CCDC93: variants seen among roughly 807,000 people sequenced by gnomAD.
CCDC93 encodes the protein CCC complex scaffolding subunit CCDC93, also known as coiled-coil domain-containing protein 93.
CCDC93 carries 61 observed loss-of-function variants against 108.2 expected under a neutral mutation model. The observed-to-expected ratio is 0.56, with a 90% CI of 0.46 to 0.70. The LOEUF (loss-of-function observed/expected upper bound fraction) is 0.70. CCDC93 is among the 30% of genes least tolerant of loss of function. CCDC93 has a pLI of 0.00. For missense variants in CCDC93, 685 were observed against 764.2 expected (o/e 0.90, Z 1.22); for synonymous variants, 276 against 260.4 (o/e 1.06, Z -0.58).
intron 11 of CCDC93, among the ~76,000 whole-genome samples, chr2:117,972,484 G>C (rs1394344061): frequency 6.6e-6 from 1 of 152,224 alleles, no homozygotes; most frequent in African/African-American, 2.4e-5. Context: ...GCAGGGAAAA[G>C]TGTGGAAAGA....
At chr2:118,000,186 C>T (rs1015316548) in intron 4 of CCDC93, 4 of 152,294 alleles carry the variant, frequency 2.6e-5, no homozygotes, top group African/African-American at 9.7e-5. Flanking sequence ...ATCACACACA[C>T]ATGGATACAC....
At chr2:117,930,938 C>A (rs909998574) in intron 23 of CCDC93, 99 bp downstream of exon 23, 3 of 708,354 alleles carry the variant, frequency 4.2e-6, no homozygotes, top group Non-Finnish European at 7.4e-6. Context: ...CCTTCACAGA[C>A]CAGAGGAAAA....
intron 19 of CCDC93, among the ~76,000 whole-genome samples, chr2:117,940,420 C>T (rs1678660244): frequency 6.6e-6 from 1 of 152,174 alleles, no homozygotes; most frequent in South Asian, 2.1e-4. Flanking sequence ...ATGGTTTGTT[C>T]AGAGGCAGTG....
intron 13 of CCDC93, chr2:117,950,171 A>C: frequency 3.0e-6 from 3 of 985,390 alleles, no homozygotes; most frequent in Non-Finnish European, 3.6e-6. Flanking sequence ...AAATGCATGG[A>C]TCCACAGAGG....
At chr2:117,960,910 T>C (rs748583481) in intron 11 of CCDC93, among the ~76,000 whole-genome samples, 3 of 151,788 alleles carry the variant, frequency 2.0e-5, no homozygotes, top group Non-Finnish European at 4.4e-5. Context: ...CATAAGCTAT[T>C]GGGTATGAAT....
intron 6 of CCDC93, 143 bp from the exon 7 acceptor site, chr2:117,986,212 T>C: frequency 1.9e-6 from 1 of 539,644 alleles, no homozygotes; most frequent in Non-Finnish European, 3.3e-6. Flanking sequence ...TCGCTCAGGC[T>C]GGAATGCAGT....
chr2:118,000,717 A>C, intron 4 of CCDC93, 104 bp downstream of exon 4: 2 of 694,960 alleles, frequency 2.9e-6, no homozygotes, highest in South Asian at 3.5e-5. Flanking sequence ...AGCCACACCC[A>C]TTACATTCAG....
At chr2:117,992,432 T>G (rs1680501579) in intron 6 of CCDC93, among the ~76,000 whole-genome samples, 1 of 152,082 alleles carries the variant, frequency 6.6e-6, no homozygotes, top group African/African-American at 2.4e-5. Flanking sequence ...TTTGTAGAGA[T>G]GGGGTTTCAC....
intron 16 of CCDC93, 112 bp downstream of exon 16, chr2:117,946,699 A>G (rs910688655): frequency 5.7e-6 from 4 of 701,192 alleles, no homozygotes; most frequent in Non-Finnish European, 1.0e-5. Context: ...CAGTTGAGGA[A>G]TGTCTATTTA....
In CCDC93 at chr2:117,918,966, C is replaced by A. The variant is rs1677777413; in HGVS notation, c.*1377G>T. 1 of 152,254 alleles carries A rather than the reference C, an allele frequency of 6.6e-6. No homozygotes were observed. The highest frequency in any genetic ancestry group is 2.4e-5 in the African/African-American group (1 of 41,458). 9.4% of individuals were successfully genotyped at this position (152,254 alleles called of 1,614,324 possible). On this transcript the variant is annotated 3_prime_UTR_variant, in exon 24 of 24. Transcript: ENST00000376300. ...TTAGGGACTAAAAATGAACACATTT[C>A]TGTGGCTGCTGAATGCCCCACTTGC...
At chr2:117,922,439 T>C (rs1677902003) in intron 23 of CCDC93, among the ~76,000 whole-genome samples, 1 of 152,208 alleles carries the variant, frequency 6.6e-6, no homozygotes, top group Non-Finnish European at 1.5e-5. Flanking sequence ...GAGAGCTAAG[T>C]TCACTCAAGG....
At chr2:117,986,383 A>G (rs983422800) in intron 6 of CCDC93, among the ~76,000 whole-genome samples, 1 of 151,970 alleles carries the variant, frequency 6.6e-6, no homozygotes, top group African/African-American at 2.4e-5. Context: ...CTGCCATGCT[A>G]CCCCAAATCA....
chr2:117,933,345 A>C (rs1678407314), intron 22 of CCDC93, among the ~76,000 whole-genome samples: 1 of 152,116 alleles, frequency 6.6e-6, no homozygotes, highest in Non-Finnish European at 1.5e-5. Flanking sequence ...TTTAAGCTTC[A>C]TTTTCACACT....
intron 22 of CCDC93, chr2:117,934,434 A>G (rs556773259): frequency 1.3e-5 from 2 of 152,282 alleles, no homozygotes; most frequent in East Asian, 1.9e-4. Context: ...ATAGGCAAAC[A>G]CTGACTTATG....
chr2:117,979,039 T>C (rs1342138899), intron 7 of CCDC93, among the ~76,000 whole-genome samples: 1 of 152,024 alleles, frequency 6.6e-6, no homozygotes, highest in East Asian at 1.9e-4. Flanking sequence ...AAGAACAAGT[T>C]TAAGGCTACT....
intron 7 of CCDC93, among the ~76,000 whole-genome samples, chr2:117,978,573 C>T (rs1680015127): frequency 6.6e-6 from 1 of 152,138 alleles, no homozygotes; most frequent in Non-Finnish European, 1.5e-5. Context: ...TCTAATTAAT[C>T]TATGTTTTTT....
chr2:117,948,235 T>C (rs749458827), intron 14 of CCDC93, 49 bp from the exon 15 acceptor site: 2 of 1,401,298 alleles, frequency 1.4e-6, no homozygotes, highest in African/African-American at 1.4e-5. Context: ...ATTATGATTT[T>C]ATGAATCGCA....
Position 117,975,509 on chromosome 2 carries a change from G to A in CCDC93, c.658-229C>T, listed in dbSNP as rs557215946. ...TGTTTCCATGTCCCAGCTGCTCACT[G>A]ATTAAATTCAGGCCACACACATTTG... On this transcript the variant is annotated intron_variant, in intron 8 of 23. Coordinates refer to ENST00000376300, the MANE Select transcript of CCDC93 (RefSeq NM_019044.5). Among the ~76,000 whole-genome samples the A allele has an allele frequency of 8.6e-4, 131 of 152,310 alleles. 2 individuals are homozygous for A. In the South Asian group the frequency reaches 0.027, roughly 31 times the overall value.
chr2:117,945,464 G>T (rs186490499), intron 17 of CCDC93, 65 bp downstream of exon 17: 391 of 1,304,346 alleles, frequency 3.0e-4, no homozygotes, highest in Admixed American at 6.4e-4. Context: ...GCCATCACAG[G>T]AGAGTGGAAA....
Sources: allele counts gnomAD v4.1 joint callset (sites outside exome capture counted in the v4.1 genomes callset), GRCh38; gene constraint gnomAD v4.1.1; transcripts MANE v1.5; gene names NCBI Gene and HGNC (gene_info 2026-07-23, HGNC 2026-07-21).